The following PRKG2 variants were observed in gnomAD, a reference collection of about 807,000 sequenced individuals.
The protein encoded by PRKG2 is cGMP-dependent protein kinase 2.
A neutral mutation model predicts 97.2 loss-of-function variants in PRKG2; 33 were observed. The ratio of observed to expected loss-of-function variants is 0.34; its 90% CI spans 0.26 to 0.45. The LOEUF (loss-of-function observed/expected upper bound fraction) is 0.45, where lower values mean the gene tolerates loss of function less well. PRKG2 is among the 20% of genes least tolerant of loss of function. PRKG2 has a pLI of 1.00. For missense variants in PRKG2, 638 were observed against 900.0 expected (o/e 0.71, Z 3.73); for synonymous variants, 330 against 321.8 (o/e 1.03, Z -0.27).
At chr4:81,131,232 AGGG>A (rs1746146890) in intron 14 of PRKG2, among the ~76,000 whole-genome samples, 1 of 149,596 alleles carries the variant, frequency 6.7e-6, no homozygotes. Context: ...TCCCTTGGCT[AGGG>A]GAGGGAGTTC....
chr4:81,143,833 C>T (rs868251897), intron 10 of PRKG2, among the ~76,000 whole-genome samples: 1 of 152,056 alleles, frequency 6.6e-6, no homozygotes. Flanking sequence ...CTACCCAACC[C>T]CCTCCTCCAC....
chr4:81,156,863 G>T (rs1286822759), intron 6 of PRKG2, among the ~76,000 whole-genome samples: 1 of 152,150 alleles, frequency 6.6e-6, no homozygotes, highest in Non-Finnish European at 1.5e-5. Flanking sequence ...CAGAAATAAA[G>T]ATGTTCTTTG....
intron 2 of PRKG2, among the ~76,000 whole-genome samples, chr4:81,178,780 G>A (rs1751149235): frequency 6.6e-6 from 1 of 151,808 alleles, no homozygotes; most frequent in Non-Finnish European, 1.5e-5. Flanking sequence ...GGACCCTGAA[G>A]AAAGAGAAAT....
At chr4:81,179,653 G>A (rs11733420) in intron 2 of PRKG2, among the ~76,000 whole-genome samples, 54 of 152,148 alleles carry the variant, frequency 3.5e-4, no homozygotes, top group African/African-American at 8.4e-4. Flanking sequence ...CTTGTGCGGT[G>A]TAAAATATGT....
At chr4:81,140,994 C>T (rs1056176805) in intron 11 of PRKG2, among the ~76,000 whole-genome samples, 5 of 151,598 alleles carry the variant, frequency 3.3e-5, no homozygotes, top group African/African-American at 1.2e-4. Context: ...ATTCACTTTG[C>T]TTTCAAAGCA....
chr4:81,125,499 T>C (rs1352745293), intron 14 of PRKG2, among the ~76,000 whole-genome samples: 2 of 152,232 alleles, frequency 1.3e-5, no homozygotes, highest in East Asian at 1.9e-4. Flanking sequence ...GACTACTATA[T>C]GTTTATACAT....
At position 81,110,407 on chromosome 4, in the gene PRKG2, T is replaced by C. The variant is rs780196543; in HGVS notation, c.1940+41A>G. 3.2e-6 allele frequency: 5 copies of C among 1,569,624 alleles called. No individual in the cohort carries two copies. The South Asian group carries it at 5.9e-5, about 18-fold the overall frequency. On this transcript the variant is annotated intron_variant, in intron 15 of 18. Coordinates refer to ENST00000264399, the MANE Select transcript of PRKG2 (RefSeq NM_006259.3). ...ATCACTAGTTAGGTTATTTTTGCAT[T>C]TCTCTGAAGAGGTGGCTGCATAAAA...
At chr4:81,180,653 TAGACA>T (rs1160330604) in intron 2 of PRKG2, among the ~76,000 whole-genome samples, 1 of 151,988 alleles carries the variant, frequency 6.6e-6, no homozygotes, top group East Asian at 1.9e-4. Flanking sequence ...AAAGAAAAAA[TAGACA>T]AGTGTCCCAC....
chr4:81,131,410 T>C (rs1395797620), intron 14 of PRKG2, among the ~76,000 whole-genome samples: 1 of 152,222 alleles, frequency 6.6e-6, no homozygotes, highest in Non-Finnish European at 1.5e-5. Flanking sequence ...GAGCTGTTCC[T>C]ATTTGGCCAT....
chr4:81,144,181 T>C, intron 10 of PRKG2, 51 bp downstream of exon 10: 1 of 1,505,162 alleles, frequency 6.6e-7, no homozygotes, highest in African/African-American at 1.4e-5. Flanking sequence ...CTTCTTTATT[T>C]ATTGGCTGCC....
chr4:81,105,570 G>A (rs1476039280), intron 16 of PRKG2, among the ~76,000 whole-genome samples: 2 of 152,026 alleles, frequency 1.3e-5, no homozygotes, highest in Non-Finnish European at 2.9e-5. Flanking sequence ...ATACCCAAAG[G>A]TTGTCTGAAA....
chr4:81,109,266 CAAG>C (rs1467450683), intron 15 of PRKG2, among the ~76,000 whole-genome samples: 2 of 152,184 alleles, frequency 1.3e-5, no homozygotes, highest in East Asian at 3.8e-4. Flanking sequence ...GTAGAAAGTT[CAAG>C]AAGATTCTAT....
intron 8 of PRKG2, among the ~76,000 whole-genome samples, chr4:81,151,603 TA>T: frequency 6.6e-6 from 1 of 152,108 alleles, no homozygotes; most frequent in Non-Finnish European, 1.5e-5. Flanking sequence ...TCGTAATTTT[TA>T]AAAAGGTGAA....
Position 81,150,630 on chromosome 4 carries a change from T to C in PRKG2, c.1085+1330A>G, listed in dbSNP as rs181062564. The stretch of plus-strand genomic sequence containing the variant: ...ACTATAATTGGCTAGCCACAACATA[T>C]AGCATAAATTATTTCAGGCCCAGCA... On this transcript the variant is annotated intron_variant, in intron 8 of 18. Coordinates refer to ENST00000264399, the MANE Select transcript of PRKG2 (RefSeq NM_006259.3). Among the ~76,000 whole-genome samples, 330 of 152,224 alleles carry C rather than the reference T, an allele frequency of 2.2e-3. 3 individuals carry two copies. The highest frequency in any genetic ancestry group is 6.8e-3 in the Middle Eastern group (2 of 294).
rs545903101 is a variant in PRKG2 at position 81,212,179 on chromosome 4, A to T, written c.-14+2757T>A. 1.1e-4 allele frequency among the ~76,000 whole-genome samples: 17 copies of T among 152,178 alleles called. 1 individual carries two copies. In the South Asian group the frequency reaches 3.5e-3, roughly 32 times the overall value. The stretch of plus-strand genomic sequence containing the variant: ...AATCTACTGCTTGTTTTCTCTGTCC[A>T]CAGCATCCTGGCTGGAGAAAAACTT... On this transcript the variant is annotated intron_variant, in intron 1 of 18. Coordinates refer to ENST00000264399, the MANE Select transcript of PRKG2 (RefSeq NM_006259.3).
intron 8 of PRKG2, among the ~76,000 whole-genome samples, chr4:81,150,858 C>A (rs1462505269): frequency 6.6e-6 from 1 of 152,044 alleles, no homozygotes; most frequent in Non-Finnish European, 1.5e-5. Flanking sequence ...TACAAATAAA[C>A]ACAAAGAATA....
At chr4:81,148,788 G>T (rs1748103923) in intron 9 of PRKG2, 96 bp downstream of exon 9, 3 of 1,031,234 alleles carry the variant, frequency 2.9e-6, no homozygotes, top group Admixed American at 3.6e-5. Context: ...ATTTCCAAGT[G>T]GTGATGAATG....
chr4:81,119,537 G>T (rs1744870293), intron 14 of PRKG2, among the ~76,000 whole-genome samples: 1 of 152,086 alleles, frequency 6.6e-6, no homozygotes, highest in African/African-American at 2.4e-5. Flanking sequence ...TTGACATTGG[G>T]AAGTGTCAGT....
At chr4:81,149,049 C>A in intron 8 of PRKG2, 97 bp from the exon 9 acceptor site, 1 of 1,137,100 alleles carries the variant, frequency 8.8e-7, no homozygotes, top group South Asian at 1.3e-5. Context: ...AAAACACCAC[C>A]ATCACTTACA....
Sources: allele counts gnomAD v4.1 joint callset (sites outside exome capture counted in the v4.1 genomes callset), GRCh38; gene constraint gnomAD v4.1.1; transcripts MANE v1.5; gene names NCBI Gene and HGNC (gene_info 2026-07-23, HGNC 2026-07-21).